DPP6: variants seen among roughly 807,000 people sequenced by gnomAD.
The protein encoded by DPP6 is dipeptidyl peptidase like 6, also known as A-type potassium channel modulatory protein DPP6.
DPP6 carries 69 observed loss-of-function variants against 122.6 expected under a neutral mutation model. The observed-to-expected ratio is 0.56, with a 90% CI of 0.46 to 0.69. DPP6 has a LOEUF of 0.69. Ranked by LOEUF, DPP6 falls within the 30% of genes least tolerant of loss-of-function variation. The pLI is 0.00. For synonymous variants in DPP6, 418 were observed against 433.1 expected, an observed-to-expected ratio of 0.97 and a Z score of 0.43; for missense variants, 928 against 1,116.9, an observed-to-expected ratio of 0.83 and a Z score of 2.41.
the DPP6 span, among the ~76,000 whole-genome samples, chr7:153,876,551 A>G: frequency 6.6e-6 from 1 of 152,058 alleles, no homozygotes; most frequent in African/African-American, 2.4e-5. Context: ...ATTATTTCTA[A>G]ACAACTCATT....
In DPP6 at chr7:154,155,803, G is replaced by C. The variant is rs868357332; in HGVS notation, c.243+102740G>C. On this transcript the variant is annotated intron_variant, in intron 1 of 25. Transcript: ENST00000377770. ...ACTGTTGCTGGGTTGTGTATAATCTGTATGTCCAGTCAACCTCAGCTCTCA... is the reference window on the plus strand; with the variant it reads ...ACTGTTGCTGGGTTGTGTATAATCTCTATGTCCAGTCAACCTCAGCTCTCA... Among the ~76,000 whole-genome samples, 41 of 152,318 alleles carry C rather than the reference G, an allele frequency of 2.7e-4. No individual in the cohort carries two copies. In the Middle Eastern group the frequency reaches 0.01, roughly 38 times the overall value.
chr7:153,885,907 G>A (rs1044876337), upstream of DPP6, among the ~76,000 whole-genome samples: 9 of 152,112 alleles, frequency 5.9e-5, no homozygotes, highest in East Asian at 1.7e-3. Flanking sequence ...ATTCGTGTTT[G>A]CATGTGGGCA....
chr7:154,128,599 C>T (rs1278319584), intron 1 of DPP6, among the ~76,000 whole-genome samples: 2 of 152,106 alleles, frequency 1.3e-5, no homozygotes, highest in Non-Finnish European at 2.9e-5. Context: ...GACGGGGTTT[C>T]ACCATGGTCT....
intron 7 of DPP6, among the ~76,000 whole-genome samples, chr7:154,711,627 A>G (rs1017764863): frequency 6.1e-5 from 9 of 146,450 alleles, no homozygotes; most frequent in African/African-American, 2.3e-4. Context: ...TCAGACTGGA[A>G]TTCAGGGTTC....
chr7:154,384,272 C>T (rs1421834130), intron 1 of DPP6, among the ~76,000 whole-genome samples: 9 of 152,108 alleles, frequency 5.9e-5, no homozygotes, highest in East Asian at 1.9e-4. Context: ...TGAGGAAGTG[C>T]GGTGTAAAGA....
the DPP6 span, among the ~76,000 whole-genome samples, chr7:153,868,135 G>A: frequency 6.7e-3 from 1,015 of 152,002 alleles, 9 homozygotes; most frequent in African/African-American, 0.023. Context: ...GTCTCTGCCC[G>A]GCTTTGGTAT....
At chr7:153,973,482 G>T (rs1435700349) in intron 1 of DPP6, among the ~76,000 whole-genome samples, 4 of 152,126 alleles carry the variant, frequency 2.6e-5, no homozygotes, top group Non-Finnish European at 4.4e-5. Context: ...GAATTCCTGG[G>T]CAGTCTTCAT....
At chr7:153,774,659 G>C in the DPP6 span, among the ~76,000 whole-genome samples, 1 of 152,102 alleles carries the variant, frequency 6.6e-6, no homozygotes, top group Admixed American at 6.6e-5. Context: ...TTGGAATTCT[G>C]TCGGTATTTA....
intron 1 of DPP6, among the ~76,000 whole-genome samples, chr7:153,951,105 A>G (rs946790527): frequency 1.6e-4 from 17 of 106,036 alleles, no homozygotes; most frequent in African/African-American, 5.9e-4. Context: ...AAAAAACCGG[A>G]GGTCAAAGAC....
chr7:153,825,710 C>T, the DPP6 span, among the ~76,000 whole-genome samples: 2 of 152,126 alleles, frequency 1.3e-5, no homozygotes, highest in African/African-American at 2.4e-5. Context: ...CAAGTGCACA[C>T]CACAACGCCC....
chr7:153,995,606 AAAG>A (rs1311692938), intron 1 of DPP6, among the ~76,000 whole-genome samples: 2 of 151,716 alleles, frequency 1.3e-5, no homozygotes. Flanking sequence ...AAAAAAAAAA[AAAG>A]AATGAAGAAG....
the DPP6 span, among the ~76,000 whole-genome samples, chr7:153,763,313 G>A: frequency 6.8e-6 from 1 of 147,346 alleles, no homozygotes; most frequent in South Asian, 2.1e-4. Context: ...AACTGTTTTT[G>A]TTGAGCAAAC....
In DPP6 at chr7:154,165,563, A is replaced by T. The variant is rs376783066; in HGVS notation, c.243+112500A>T. On this transcript the variant is annotated intron_variant, in intron 1 of 25. Transcript: ENST00000377770. ...GGTCAAATGGTATTTCTAGTTCTAGATCCCTGAGGAATCGCCACACTGACT... is the reference window on the plus strand; with the variant it reads ...GGTCAAATGGTATTTCTAGTTCTAGTTCCCTGAGGAATCGCCACACTGACT... Among the ~76,000 whole-genome samples, 589 of 151,462 alleles carry T rather than the reference A, an allele frequency of 3.9e-3. 3 individuals are homozygous for T. The highest frequency in any genetic ancestry group is 0.014 in the African/African-American group (567 of 40,942).
chr7:154,022,115 A>G (rs1798733510), intron 1 of DPP6, among the ~76,000 whole-genome samples: 1 of 152,106 alleles, frequency 6.6e-6, no homozygotes, highest in Non-Finnish European at 1.5e-5. Context: ...AAATAAAACA[A>G]GAATAAACTT....
chr7:154,077,304 T>C (rs1384507268), intron 1 of DPP6, among the ~76,000 whole-genome samples: 2 of 152,200 alleles, frequency 1.3e-5, no homozygotes, highest in East Asian at 1.9e-4. Flanking sequence ...ATAGACACAA[T>C]GTGTAGAATG....
chr7:153,843,215 CAA>C, the DPP6 span, among the ~76,000 whole-genome samples: 2 of 152,156 alleles, frequency 1.3e-5, no homozygotes, highest in Admixed American at 1.3e-4. Context: ...TGCACACACA[CAA>C]ATGCATACAC....
At chr7:154,062,093 C>T (rs62485604) in intron 1 of DPP6, among the ~76,000 whole-genome samples, 5 of 101,102 alleles carry the variant, frequency 4.9e-5, no homozygotes, top group Admixed American at 2.0e-4. Flanking sequence ...GGACCCCCAT[C>T]GCAGAGGGGG....
chr7:154,860,092 C>G (rs1007526968), intron 17 of DPP6, among the ~76,000 whole-genome samples: 4 of 152,158 alleles, frequency 2.6e-5, no homozygotes, highest in African/African-American at 4.8e-5. Context: ...CAAAAACAGC[C>G]CCTACCACCA....
chr7:153,754,890 CTTGGA>C, the DPP6 span, among the ~76,000 whole-genome samples: 5 of 150,704 alleles, frequency 3.3e-5, no homozygotes, highest in African/African-American at 1.2e-4. Context: ...CTATTTTCTG[CTTGGA>C]TTGTTTTTTT....
Sources: gnomAD v4.1 joint callset for allele counts (sites outside exome capture counted in the v4.1 genomes callset) on GRCh38, gnomAD v4.1.1 for gene constraint, MANE v1.5 for transcripts, NCBI Gene and HGNC (gene_info 2026-07-23, HGNC 2026-07-21) for gene names.